KIFAP3: variants seen among roughly 807,000 people sequenced by gnomAD.
KIFAP3 encodes the protein kinesin associated protein 3.
In KIFAP3, 68 loss-of-function variants were observed where a neutral mutation model predicts 106.5. That is an observed-to-expected ratio of 0.64 (90% CI 0.53 to 0.78). The LOEUF (loss-of-function observed/expected upper bound fraction) is 0.78. KIFAP3 is among the 30% of genes least tolerant of loss of function. The pLI, the probability that KIFAP3 is intolerant of heterozygous loss-of-function variation, is 0.00. For missense variants in KIFAP3, 780 were observed against 941.8 expected, an observed-to-expected ratio of 0.83 and a Z score of 2.25; for synonymous variants, 320 against 311.5, an observed-to-expected ratio of 1.03 and a Z score of -0.29.
intron 8 of KIFAP3, among the ~76,000 whole-genome samples, chr1:170,026,882 A>T (rs1669135805): frequency 6.6e-6 from 1 of 152,222 alleles, no homozygotes; most frequent in African/African-American, 2.4e-5. Context: ...CAGACTAACA[A>T]ATTATAAGAT....
chr1:170,048,303 T>C, intron 2 of KIFAP3, among the ~76,000 whole-genome samples: 1 of 149,174 alleles, frequency 6.7e-6, no homozygotes, highest in Admixed American at 6.6e-5. Flanking sequence ...TATTTGGGTT[T>C]TTTTTTTTTT....
At chr1:170,032,701 C>T (rs756947305) in intron 7 of KIFAP3, among the ~76,000 whole-genome samples, 2 of 151,596 alleles carry the variant, frequency 1.3e-5, no homozygotes, top group Non-Finnish European at 3.0e-5. Flanking sequence ...AATAAAATAG[C>T]AACATGTCAG....
intron 19 of KIFAP3, among the ~76,000 whole-genome samples, chr1:169,938,117 T>A (rs1461918296): frequency 6.6e-6 from 1 of 151,952 alleles, no homozygotes; most frequent in African/African-American, 2.4e-5. Flanking sequence ...ATTGGGACAT[T>A]ATAAGAGTTG....
At chr1:170,009,448 C>T (rs1000931755) in intron 10 of KIFAP3, among the ~76,000 whole-genome samples, 3 of 152,006 alleles carry the variant, frequency 2.0e-5, no homozygotes, top group African/African-American at 7.3e-5. Context: ...CTCTGTAAAA[C>T]ACTGCCATCT....
chr1:170,004,757 G>A (rs1236943314), intron 10 of KIFAP3, among the ~76,000 whole-genome samples: 1 of 151,122 alleles, frequency 6.6e-6, no homozygotes, highest in Non-Finnish European at 1.5e-5. Context: ...AAAAACCCTA[G>A]AAGAAAACCT....
rs141478339 is a variant in KIFAP3 at position 169,990,198 on chromosome 1, T to C, written c.1284+1957A>G. On this transcript the variant is annotated intron_variant, in intron 11 of 19. Coordinates refer to ENST00000361580, the MANE Select transcript of KIFAP3 (RefSeq NM_014970.4). ...CACTTTACAGATGTTTAGAGGTGAG[T>C]GTATTTGAGAAATTCTGGCATTTTT... 3.1e-3 allele frequency: 4,141 copies of C among 1,317,644 alleles called. 110 individuals carry two copies. In the South Asian group the frequency reaches 0.048, roughly 15 times the overall value. The allele number at this position is 1,317,644 out of a possible 1,614,324, so 81.6% of individuals were successfully genotyped here. A position where few individuals can be genotyped will look rare whatever the true frequency, so the allele number is the denominator to read the frequency against.
intron 8 of KIFAP3, 112 bp downstream of exon 8, chr1:170,031,774 A>T (rs1167912055): frequency 3.1e-6 from 2 of 640,254 alleles, no homozygotes; most frequent in African/African-American, 3.6e-5. Flanking sequence ...TAACATTTAT[A>T]GAACTTTCAG....
At chr1:170,015,630 A>T (rs1190066098) in intron 10 of KIFAP3, among the ~76,000 whole-genome samples, 1 of 152,200 alleles carries the variant, frequency 6.6e-6, no homozygotes, top group Non-Finnish European at 1.5e-5. Flanking sequence ...AGGTAGAGGA[A>T]AAAAGCAGGT....
intron 1 of KIFAP3, among the ~76,000 whole-genome samples, chr1:170,063,627 T>TC (rs1344313274): frequency 1.3e-5 from 2 of 152,198 alleles, no homozygotes; most frequent in Non-Finnish European, 2.9e-5. Flanking sequence ...GTTGTTTTTT[T>TC]CTCTGTAGTG....
chr1:170,019,901 T>G (rs914733710), intron 9 of KIFAP3, among the ~76,000 whole-genome samples: 1 of 152,206 alleles, frequency 6.6e-6, no homozygotes, highest in Non-Finnish European at 1.5e-5. Flanking sequence ...AACTTTCTAT[T>G]TGCAGATAAC....
upstream of KIFAP3, among the ~76,000 whole-genome samples, chr1:170,075,931 T>C (rs924726066): frequency 1.3e-5 from 2 of 152,340 alleles, no homozygotes; most frequent in South Asian, 4.1e-4. Context: ...TTTTTCTAAA[T>C]ATTAATTCTG....
chr1:169,944,247 G>T (rs1369557242), intron 19 of KIFAP3, among the ~76,000 whole-genome samples: 1 of 152,172 alleles, frequency 6.6e-6, no homozygotes, highest in African/African-American at 2.4e-5. Flanking sequence ...CTGGCTGACT[G>T]GCTACTATGG....
rs753576167 is a variant in KIFAP3 at position 169,921,722 on chromosome 1, T to G, written c.2333A>C (p.Tyr778Ser). 6 of 1,613,814 alleles carry G rather than the reference T, an allele frequency of 3.7e-6. No individual in the cohort carries two copies. The highest frequency in any genetic ancestry group is 3.3e-4 in the Middle Eastern group (2 of 6,080). Residue 778 changes from tyrosine to serine, a missense_variant, in exon 20 of 20, where the codon TAT becomes TCT. Physicochemically the swap from Tyr to Ser is moderately radical, Grantham distance 144 (BLOSUM62 -2). Coordinates refer to ENST00000361580, the MANE Select transcript of KIFAP3 (RefSeq NM_014970.4). The part of the protein sequence containing the change: ...VGILGRPATA[Y>S]GFRPDEPYYY... The stretch of plus-strand genomic sequence containing the variant: ...GTAAGGTTCATCAGGGCGGAATCCA[T>G]ATGCTGTGGCAGGGCGTCCAAGAAT...
At chr1:170,060,041 C>T (rs771479048) in intron 1 of KIFAP3, among the ~76,000 whole-genome samples, 1 of 152,090 alleles carries the variant, frequency 6.6e-6, no homozygotes, top group Non-Finnish European at 1.5e-5. Context: ...CTATTTATGA[C>T]AAACCCACAG....
At chr1:169,953,742 C>G (rs1241761343) in intron 19 of KIFAP3, among the ~76,000 whole-genome samples, 1 of 152,200 alleles carries the variant, frequency 6.6e-6, no homozygotes, top group East Asian at 1.9e-4. Context: ...TCTCGATCTC[C>G]TGACCTCGTG....
intron 10 of KIFAP3, among the ~76,000 whole-genome samples, chr1:170,009,511 C>T (rs1668141699): frequency 6.6e-6 from 1 of 152,090 alleles, no homozygotes; most frequent in African/African-American, 2.4e-5. Context: ...TTCCAAAGAA[C>T]ACATTTCAAT....
chr1:170,041,547 T>TA, intron 3 of KIFAP3: 4 of 620,738 alleles, frequency 6.4e-6, no homozygotes, highest in Non-Finnish European at 1.1e-5. Flanking sequence ...ATACCCCTCG[T>TA]AGGCATCTGC....
intron 9 of KIFAP3, among the ~76,000 whole-genome samples, chr1:170,017,808 T>C (rs1056108266): frequency 6.6e-6 from 1 of 152,222 alleles, no homozygotes; most frequent in Non-Finnish European, 1.5e-5. Context: ...AGTCCTTTTC[T>C]GTATGGTCAA....
At chr1:169,995,782 T>C (rs767443943) in intron 10 of KIFAP3, among the ~76,000 whole-genome samples, 10 of 152,046 alleles carry the variant, frequency 6.6e-5, no homozygotes, top group Non-Finnish European at 2.9e-5. Flanking sequence ...AGACTCACCT[T>C]TAAAACATAG....
Sources: allele counts gnomAD v4.1 joint callset (sites outside exome capture counted in the v4.1 genomes callset), GRCh38; gene constraint gnomAD v4.1.1; transcripts MANE v1.5; gene names NCBI Gene and HGNC (gene_info 2026-07-23, HGNC 2026-07-21).